Variants in EPHA3 observed in about 807,000 individuals in gnomAD.
The protein encoded by EPHA3 is ephrin type-A receptor 3.
In EPHA3, 42 loss-of-function variants were observed where a neutral mutation model predicts 107.1. The observed-to-expected ratio is 0.39, with a 90% CI of 0.31 to 0.51. The LOEUF (loss-of-function observed/expected upper bound fraction) is 0.51, where lower values mean the gene tolerates loss of function less well. Among genes scored for constraint, EPHA3 ranks in the 20% least tolerant of loss-of-function variants. The pLI, the probability that EPHA3 is intolerant of heterozygous loss-of-function variation, is 0.78. For missense variants in EPHA3, 1,183 were observed against 1,211.2 expected (o/e 0.98, Z 0.35); for synonymous variants, 461 against 424.8 (o/e 1.09, Z -1.05).
chr3:89,469,533 G>C (rs1710360030), intron 15 of EPHA3, among the ~76,000 whole-genome samples: 1 of 152,092 alleles, frequency 6.6e-6, no homozygotes, highest in South Asian at 2.1e-4. Context: ...CACTTGAGCA[G>C]GTCTTTTGTA....
At chr3:89,419,145 T>C in intron 10 of EPHA3, 60 bp from the exon 11 acceptor site, 1 of 1,484,408 alleles carries the variant, frequency 6.7e-7, no homozygotes, top group Non-Finnish European at 9.0e-7. Flanking sequence ...AGTTGCTCTC[T>C]ACTGATGAAT....
chr3:89,119,963 A>G (rs960177482), intron 1 of EPHA3, among the ~76,000 whole-genome samples: 1 of 152,072 alleles, frequency 6.6e-6, no homozygotes, highest in Non-Finnish European at 1.5e-5. Context: ...TTCTTCTTGT[A>G]TTCTATTTTC....
intron 2 of EPHA3, among the ~76,000 whole-genome samples, chr3:89,171,446 T>C (rs1705207276): frequency 6.6e-6 from 1 of 152,172 alleles, no homozygotes; most frequent in South Asian, 2.1e-4. Context: ...ATGGATATAA[T>C]AGGTGTTTTT....
At chr3:89,222,449 TTG>T (rs1041673576) in intron 3 of EPHA3, among the ~76,000 whole-genome samples, 1 of 148,042 alleles carries the variant, frequency 6.8e-6, no homozygotes, top group Admixed American at 6.8e-5. Flanking sequence ...ACATGCATAC[TTG>T]TGTGTGTATA....
chr3:89,107,934 C>T, intron 1 of EPHA3, 98 bp downstream of exon 1: 5 of 1,140,478 alleles, frequency 4.4e-6, no homozygotes, highest in East Asian at 4.7e-5. Context: ...GAAGGTGCCT[C>T]CGAATAGAGC....
intron 3 of EPHA3, among the ~76,000 whole-genome samples, chr3:89,230,341 G>T (rs1188251354): frequency 6.6e-6 from 1 of 152,034 alleles, no homozygotes; most frequent in Non-Finnish European, 1.5e-5. Context: ...AAAATTTCAC[G>T]TTGCCTAAAT....
chr3:89,143,637 A>G (rs1215848958), intron 2 of EPHA3, among the ~76,000 whole-genome samples: 1 of 151,616 alleles, frequency 6.6e-6, no homozygotes, highest in Non-Finnish European at 1.5e-5. Flanking sequence ...AAGATAGTAC[A>G]GAGTTGCCAT....
intron 3 of EPHA3, among the ~76,000 whole-genome samples, chr3:89,252,319 G>A (rs780775792): frequency 7.2e-5 from 11 of 152,140 alleles, no homozygotes; most frequent in Non-Finnish European, 1.5e-4. Context: ...CAGAATCAGA[G>A]AGAATATTTT....
intron 11 of EPHA3, 54 bp from the exon 12 acceptor site, chr3:89,429,038 ATTATATATGTTCAT>A: frequency 2.8e-6 from 3 of 1,087,150 alleles, no homozygotes. Context: ...ATCCAACTAT[ATTATATATGTTCAT>A]TGTATAATAC....
In EPHA3 at chr3:89,131,892, A is replaced by G. The variant is rs183400832; in HGVS notation, c.153+4619A>G. Among the ~76,000 whole-genome samples the G allele has an allele frequency of 8.5e-5, 13 of 152,274 alleles. No individual in the cohort carries two copies. In the East Asian group the frequency reaches 2.3e-3, roughly 27 times the overall value. The stretch of plus-strand genomic sequence containing the variant: ...TCTGTTCGCTGGATTCTCCTTGCTG[A>G]TGAAAGAAACATCGATATTGTTCAA... On this transcript the variant is annotated intron_variant, in intron 2 of 16. Coordinates refer to ENST00000336596, the MANE Select transcript of EPHA3 (RefSeq NM_005233.6).
intron 5 of EPHA3, among the ~76,000 whole-genome samples, chr3:89,372,434 T>TTCCTTCTA (rs1708325940): frequency 6.6e-6 from 1 of 151,600 alleles, no homozygotes; most frequent in Admixed American, 6.6e-5. Flanking sequence ...TTTATTCATA[T>TTCCTTCTA]ATAGCACAGA....
chr3:89,398,302 A>G (rs1409730051), intron 6 of EPHA3, among the ~76,000 whole-genome samples: 1 of 152,162 alleles, frequency 6.6e-6, no homozygotes, highest in Non-Finnish European at 1.5e-5. Flanking sequence ...CTCTGTGTAT[A>G]ATAATATATG....
intron 3 of EPHA3, among the ~76,000 whole-genome samples, chr3:89,273,531 C>CA (rs2107301933): frequency 6.6e-6 from 1 of 151,790 alleles, no homozygotes; most frequent in African/African-American, 2.4e-5. Context: ...ACTGGAGTAG[C>CA]AAAAAATATG....
chr3:89,432,261 A>T (rs1430715031), intron 13 of EPHA3, among the ~76,000 whole-genome samples: 1 of 152,118 alleles, frequency 6.6e-6, no homozygotes, highest in Non-Finnish European at 1.5e-5. Context: ...AAAACTAGGT[A>T]TTTTCATTAA....
At chr3:89,300,592 T>A (rs1282113898) in intron 3 of EPHA3, among the ~76,000 whole-genome samples, 3 of 152,036 alleles carry the variant, frequency 2.0e-5, no homozygotes, top group Admixed American at 2.0e-4. Flanking sequence ...TTTATTACTT[T>A]AAACAATTAT....
At chr3:89,417,806 A>G (rs1709278510) in intron 10 of EPHA3, among the ~76,000 whole-genome samples, 1 of 151,472 alleles carries the variant, frequency 6.6e-6, no homozygotes, top group Non-Finnish European at 1.5e-5. Context: ...ACTGTATGCA[A>G]TACAGTTGCT....
At chr3:89,168,926 T>C (rs1338175379) in intron 2 of EPHA3, among the ~76,000 whole-genome samples, 3 of 151,952 alleles carry the variant, frequency 2.0e-5, no homozygotes, top group Non-Finnish European at 4.4e-5. Flanking sequence ...GAGAGATGTT[T>C]TTCCAATTCA....
intron 15 of EPHA3, among the ~76,000 whole-genome samples, chr3:89,457,513 G>A (rs1024665636): frequency 6.6e-6 from 1 of 152,166 alleles, no homozygotes; most frequent in Non-Finnish European, 1.5e-5. Flanking sequence ...CTGATGATCT[G>A]AGGCAGAACA....
intron 3 of EPHA3, among the ~76,000 whole-genome samples, chr3:89,265,704 T>G (rs1481332998): frequency 1.3e-5 from 2 of 152,100 alleles, no homozygotes; most frequent in Admixed American, 6.6e-5. Flanking sequence ...CTGACCCAAG[T>G]GCAGACATCA....
Sources: allele counts gnomAD v4.1 joint callset (sites outside exome capture counted in the v4.1 genomes callset), GRCh38; gene constraint gnomAD v4.1.1; transcripts MANE v1.5; gene names NCBI Gene and HGNC (gene_info 2026-07-23, HGNC 2026-07-21).